The following LRP2 variants were observed in gnomAD, a reference collection of about 807,000 sequenced individuals.
The protein encoded by LRP2 is LDL receptor related protein 2.
In LRP2, 172 loss-of-function variants were observed where a neutral mutation model predicts 531.0. The observed-to-expected ratio is 0.32, with a 90% CI of 0.29 to 0.37. The LOEUF is 0.37. LRP2 is among the 10% of genes least tolerant of loss of function. The pLI is 1.00. For missense variants in LRP2, 5,167 were observed against 5,868.3 expected (o/e 0.88, Z 3.90); for synonymous variants, 1,992 against 2,027.6 (o/e 0.98, Z 0.47).
At chr2:169,176,683 C>T in intron 53 of LRP2, 95 bp from the exon 54 acceptor site, 3 of 1,074,352 alleles carry the variant, frequency 2.8e-6, no homozygotes, top group East Asian at 2.4e-5. Context: ...AACTCATCAC[C>T]TCTTAGTAAA....
rs770545516 is a variant in LRP2 at position 169,206,963 on chromosome 2, C to T, written c.6757G>A (p.Asp2253Asn). 73 of 1,614,088 alleles carry T rather than the reference C, an allele frequency of 4.5e-5. No homozygotes were observed. The highest frequency in any genetic ancestry group is 1.2e-5 in the Non-Finnish European group (14 of 1,180,054). ...ATCCTTGCAATTATATCTAAAGAAT[C>T]ATCAACCCAATAAACGTAGCCATCA... The part of the protein sequence containing the change: ...RSDGYVYWVD[D>N]SLDIIARIRI... The change falls in exon 39 of 79, where the codon GAT (aspartate) becomes AAT (asparagine). Residue 2253 changes from aspartate (D) to asparagine (N), a missense_variant. This residue lies in a region of LRP2 where 2,811 missense variants were observed against 3,058.0 expected (regional missense o/e 0.92). Transcript: ENST00000649046.
At chr2:169,272,762 G>A (rs1295915055) in intron 15 of LRP2, among the ~76,000 whole-genome samples, 165 bp downstream of exon 15, 1 of 152,136 alleles carries the variant, frequency 6.6e-6, no homozygotes, top group Non-Finnish European at 1.5e-5. Flanking sequence ...AGTAGAAGTG[G>A]TGCCTACCAA....
At chr2:169,243,257 G>C in intron 23 of LRP2, 146 bp downstream of exon 23, 1 of 998,560 alleles carries the variant, frequency 1.0e-6, no homozygotes, top group Non-Finnish European at 1.5e-6. Flanking sequence ...ATCTACATTA[G>C]GTATTTCTCC....
At chr2:169,277,662 G>A in intron 13 of LRP2, 83 bp downstream of exon 13, 1 of 1,216,306 alleles carries the variant, frequency 8.2e-7, no homozygotes, top group Non-Finnish European at 1.2e-6. Context: ...TTTTAATTCT[G>A]GTCCTTTGAT....
chr2:169,348,380 C>T (rs1014311402), intron 1 of LRP2, among the ~76,000 whole-genome samples: 5 of 152,124 alleles, frequency 3.3e-5, no homozygotes, highest in African/African-American at 1.2e-4. Flanking sequence ...AGTCAGGGGC[C>T]CTCTTCGTCT....
At chr2:169,241,883 T>C (rs1689820223) in intron 24 of LRP2, among the ~76,000 whole-genome samples, 1 of 152,192 alleles carries the variant, frequency 6.6e-6, no homozygotes. Flanking sequence ...TTTGCAAACT[T>C]TCCACTATTC....
intron 14 of LRP2, among the ~76,000 whole-genome samples, chr2:169,273,424 T>C (rs1224853260): frequency 1.3e-5 from 2 of 152,180 alleles, no homozygotes; most frequent in South Asian, 2.1e-4. Context: ...TTGTAGGATA[T>C]AATAAATATT....
Position 169,292,278 on chromosome 2 carries a change from T to C in LRP2, c.744A>G (p.Lys248=). The C allele has an allele frequency of 6.2e-7, 1 of 1,613,444 alleles. No homozygotes were observed. Among genetic ancestry groups the C allele is most frequent in the Non-Finnish European group, 8.5e-7 (1 of 1,179,356 alleles). Residue 248 remains lysine, a synonymous_variant, in exon 7 of 79, where the codon AAA becomes AAG. Coordinates refer to ENST00000649046, the MANE Select transcript of LRP2 (RefSeq NM_004525.3). The part of the protein sequence containing the change: ...NWVCDGEDDC[K]DNGDEDGCES... ...CACATCCATCTTCATCTCCATTATC[T>C]TTACAGTCATCTTCTCCATCACAAA...
chr2:169,294,698 C>T lies in LRP2; in HGVS notation c.440G>A (p.Cys147Tyr). Residue 147 changes from cysteine to tyrosine, a missense_variant, in exon 5 of 79, where the codon TGT becomes TAT. Coordinates refer to ENST00000649046, the MANE Select transcript of LRP2 (RefSeq NM_004525.3). ...CCCATTGTCACAAGTAAGCTGCTCACATGTTGGGTACTCTATTGTAAAAAA... is the reference window on the plus strand; with the variant it reads ...CCCATTGTCACAAGTAAGCTGCTCATATGTTGGGTACTCTATTGTAAAAAA... ...ADENDCQYPT[C>Y]EQLTCDNGAC... 3 of 1,153,470 alleles carry T rather than the reference C, an allele frequency of 2.6e-6. No homozygotes were observed. 71.5% of individuals were successfully genotyped at this position (1,153,470 alleles called of 1,614,324 possible).
At chr2:169,172,510 T>C (rs1033151603) in intron 57 of LRP2, among the ~76,000 whole-genome samples, 3 of 152,254 alleles carry the variant, frequency 2.0e-5, no homozygotes, top group South Asian at 4.1e-4. Flanking sequence ...TCCTTACTTC[T>C]CTTCCAACTA....
At chr2:169,182,614 A>T (rs1687483173) in intron 50 of LRP2, 1 of 985,246 alleles carries the variant, frequency 1.0e-6, no homozygotes, top group Non-Finnish European at 1.2e-6. Flanking sequence ...AGCATAAGGC[A>T]CCCTCTCCAG....
chr2:169,162,748 T>C, intron 62 of LRP2, 148 bp from the exon 63 acceptor site: 1 of 824,510 alleles, frequency 1.2e-6, no homozygotes, highest in South Asian at 1.5e-5. Flanking sequence ...TAGGACCATG[T>C]GACCAGTTCT....
chr2:169,154,537 C>T lies in LRP2; in HGVS notation c.12218G>A (p.Arg4073Lys), dbSNP rs1416045260. 1 of 1,611,132 alleles carries T rather than the reference C, an allele frequency of 6.2e-7. No individual in the cohort carries two copies. Among genetic ancestry groups the T allele is most frequent in the Admixed American group, 1.7e-5 (1 of 59,972 alleles). The stretch of plus-strand genomic sequence containing the variant: ...CTCATCTTGAAGATACTCTGAGAAC[C>T]TCTCAGATGAGAGATTATATTTTCG... The part of the protein sequence containing the change: ...RIRKYNLSSE[R>K]FSEYLQDEEY... Residue 4073 changes from arginine (R) to lysine (K), a missense_variant, in exon 66 of 79, where the codon AGG becomes AAG. This residue lies in a region of LRP2 where 564 missense variants were observed against 747.7 expected (regional missense o/e 0.75). Coordinates refer to ENST00000649046, the MANE Select transcript of LRP2 (RefSeq NM_004525.3).
In LRP2 at chr2:169,247,379, A is replaced by C. The variant is rs775082388; in HGVS notation, c.2907T>G (p.Thr969=). 3.7e-6 allele frequency: 6 copies of C among 1,614,042 alleles called. No homozygotes were observed. The Admixed American group carries it at 1.0e-4, about 27-fold the overall frequency. ...AAAAAACTGGGCAATCTCACTCACC[A>C]GTCTGGATGTTGACATCATACGATT... ...HLKSYDVNIQ[T]GSNACNQPTH... The change falls in exon 20 of 79, where the codon ACT becomes ACG. Residue 969 remains threonine (T), a splice_region_variant and synonymous_variant. Coordinates refer to ENST00000649046, the MANE Select transcript of LRP2 (RefSeq NM_004525.3).
chr2:169,311,212 C>T (rs890118461), intron 3 of LRP2, among the ~76,000 whole-genome samples: 5 of 152,090 alleles, frequency 3.3e-5, no homozygotes, highest in Non-Finnish European at 5.9e-5. Flanking sequence ...CAGTTCTGCT[C>T]TGATCTTAGT....
chr2:169,271,117 G>A lies in LRP2; in HGVS notation c.2117-10C>T. ...AGGAAATTCTGAACAGCTGTAGGAA[G>A]AATAACACAGCACAGTCAGTCACAG... On this transcript the variant is annotated splice_polypyrimidine_tract_variant and intron_variant, in intron 15 of 78. Transcript: ENST00000649046. 6.3e-7 allele frequency: 1 copy of A among 1,596,556 alleles called. No homozygotes were observed. Among genetic ancestry groups the A allele is most frequent in the Non-Finnish European group, 8.6e-7 (1 of 1,165,214 alleles).
chr2:169,228,769 G>A (rs960650306), intron 31 of LRP2, among the ~76,000 whole-genome samples: 4 of 152,274 alleles, frequency 2.6e-5, no homozygotes, highest in Admixed American at 6.5e-5. Flanking sequence ...GCAATGCTGC[G>A]CTGGCTGAAA....
At chr2:169,284,916 G>T (rs1401422179) in intron 9 of LRP2, among the ~76,000 whole-genome samples, 5 of 152,144 alleles carry the variant, frequency 3.3e-5, no homozygotes, top group African/African-American at 1.2e-4. Flanking sequence ...CAGAAGTTCT[G>T]ATGTCAAACA....
At chr2:169,333,528 G>A (rs1387478239) in intron 1 of LRP2, among the ~76,000 whole-genome samples, 2 of 143,316 alleles carry the variant, frequency 1.4e-5, no homozygotes, top group African/African-American at 5.1e-5. Context: ...GAGGGAGGGA[G>A]GGAGGGAGGG....
Sources: allele counts gnomAD v4.1 joint callset (sites outside exome capture counted in the v4.1 genomes callset), GRCh38; gene constraint gnomAD v4.1.1; regional missense constraint gnomAD v4.1.1; transcripts MANE v1.5; gene names NCBI Gene and HGNC (gene_info 2026-07-23, HGNC 2026-07-21).